The following TCP11L2 variants were observed in gnomAD, a reference collection of about 807,000 sequenced individuals.
TCP11L2 encodes the protein t-complex 11 like 2.
Under a neutral mutation model 50.7 loss-of-function variants are expected in TCP11L2, and 39 were observed. The observed-to-expected ratio is 0.77, with a 90% CI of 0.60 to 1.01. The LOEUF is 1.01. Among genes scored for constraint, TCP11L2 ranks in the 50% least tolerant of loss-of-function variants. TCP11L2 has a pLI of 0.00. For missense variants in TCP11L2, 612 were observed against 614.7 expected (o/e 1.00, Z 0.05); for synonymous variants, 192 against 219.3 (o/e 0.88, Z 1.10).
chr12:106,318,471 T>C lies in TCP11L2; in HGVS notation c.414+7T>C. 6.2e-7 allele frequency: 1 copy of C among 1,613,326 alleles called. No individual in the cohort carries two copies. The highest frequency in any genetic ancestry group is 8.5e-7 in the Non-Finnish European group (1 of 1,179,448). On this transcript the variant is annotated splice_region_variant and intron_variant, in intron 4 of 9. Coordinates refer to ENST00000299045, the MANE Select transcript of TCP11L2 (RefSeq NM_152772.3). ...GTTTGAAGAAATCAGAGAGGCAAGT[T>C]GCTTTGTTGTCTGTGTCAGTTAGCG... is the stretch of plus-strand genomic sequence containing the variant.
chr12:106,308,812 G>A (rs1404009533), intron 1 of TCP11L2, among the ~76,000 whole-genome samples: 1 of 152,186 alleles, frequency 6.6e-6, no homozygotes. Context: ...GGTTGCAAAT[G>A]TTCTGGTTGA....
intron 1 of TCP11L2, among the ~76,000 whole-genome samples, chr12:106,304,670 C>T (rs1565834263): frequency 6.6e-6 from 1 of 152,232 alleles, no homozygotes. Context: ...ATGGTACACA[C>T]TAGAAGTTTC....
At chr12:106,311,633 G>A (rs183127854) in intron 2 of TCP11L2, among the ~76,000 whole-genome samples, 21 of 152,246 alleles carry the variant, frequency 1.4e-4, no homozygotes, top group African/African-American at 4.6e-4. Flanking sequence ...AGGTCAGGAA[G>A]GAAGTGAAAT....
At chr12:106,337,605 T>C (rs908190280) in intron 8 of TCP11L2, among the ~76,000 whole-genome samples, 1 of 152,244 alleles carries the variant, frequency 6.6e-6, no homozygotes, top group African/African-American at 2.4e-5. Context: ...AAGTGGTTAC[T>C]AAGAAGACAG....
At chr12:106,298,916 C>T (rs1041052818), upstream of TCP11L2, among the ~76,000 whole-genome samples, 5 of 151,930 alleles carry the variant, frequency 3.3e-5, no homozygotes, top group African/African-American at 1.2e-4. Flanking sequence ...CTCCTGGGTT[C>T]AAGTGATTCT....
chr12:106,299,523 C>G (rs978532900), upstream of TCP11L2, among the ~76,000 whole-genome samples: 1 of 152,178 alleles, frequency 6.6e-6, no homozygotes, highest in Non-Finnish European at 1.5e-5. Context: ...CTCAACACAA[C>G]AGCAGCAATG....
At chr12:106,341,082 G>T (rs2036082160) in intron 9 of TCP11L2, 84 bp downstream of exon 9, 2 of 1,150,426 alleles carry the variant, frequency 1.7e-6, no homozygotes, top group Non-Finnish European at 2.5e-6. Context: ...GTCAAATTTT[G>T]ATCTTAAACA....
intron 2 of TCP11L2, chr12:106,312,257 A>ATT (rs55891003): frequency 1.3e-4 from 37 of 291,584 alleles, no homozygotes; most frequent in South Asian, 3.1e-4. Flanking sequence ...TTTAGTTTCC[A>ATT]TTTTTTTTTT....
At chr12:106,326,071 C>G (rs1241743016) in intron 6 of TCP11L2, among the ~76,000 whole-genome samples, 3 of 152,140 alleles carry the variant, frequency 2.0e-5, no homozygotes, top group Non-Finnish European at 4.4e-5. Flanking sequence ...GGTTGCACAG[C>G]TGCAAGAGGC....
At chr12:106,337,102 A>G (rs2035946497) in intron 8 of TCP11L2, among the ~76,000 whole-genome samples, 1 of 152,194 alleles carries the variant, frequency 6.6e-6, no homozygotes, top group East Asian at 1.9e-4. Flanking sequence ...GTGAATGGCC[A>G]GATGGTTCTA....
intron 3 of TCP11L2, among the ~76,000 whole-genome samples, chr12:106,317,819 A>G (rs998369804): frequency 3.9e-5 from 6 of 152,330 alleles, no homozygotes; most frequent in African/African-American, 1.4e-4. Flanking sequence ...AAGGTGGCCA[A>G]TTATTCTATT....
At chr12:106,323,154 C>A (rs1317114592) in intron 5 of TCP11L2, among the ~76,000 whole-genome samples, 1 of 152,212 alleles carries the variant, frequency 6.6e-6, no homozygotes, top group African/African-American at 2.4e-5. Context: ...CAGTGCCTCA[C>A]TGCCTTGTCC....
intron 1 of TCP11L2, among the ~76,000 whole-genome samples, chr12:106,306,838 G>A (rs1400776503): frequency 1.3e-5 from 2 of 152,166 alleles, no homozygotes; most frequent in African/African-American, 4.8e-5. Context: ...AAATAATCAA[G>A]AGGAGCCGGG....
chr12:106,314,188 T>G (rs1035701224), intron 2 of TCP11L2, among the ~76,000 whole-genome samples, 170 bp from the exon 3 acceptor site: 1 of 152,244 alleles, frequency 6.6e-6, no homozygotes, highest in Non-Finnish European at 1.5e-5. Flanking sequence ...CTTAAATTTT[T>G]GAAGCCTTTA....
At chr12:106,312,365 A>C in intron 2 of TCP11L2, 2 of 1,237,354 alleles carry the variant, frequency 1.6e-6, no homozygotes, top group Non-Finnish European at 2.1e-6. Context: ...ATTGGACCAA[A>C]GTATATAGAC....
At position 106,319,132 on chromosome 12, in the gene TCP11L2, C is replaced by T. The variant is rs1263174363; in HGVS notation, c.414+668C>T. On this transcript the variant is annotated intron_variant, in intron 4 of 9. Coordinates refer to ENST00000299045, the MANE Select transcript of TCP11L2 (RefSeq NM_152772.3). ...TTCACCTTGTTAGCCAGGATGGTCT[C>T]GATCTCCTGACCTCATGATTCGCCC... Among the ~76,000 whole-genome samples, 7 of 152,128 alleles carry T rather than the reference C, an allele frequency of 4.6e-5. No homozygotes were observed. The East Asian group carries it at 9.7e-4, about 21-fold the overall frequency.
chr12:106,302,340 C>G (rs2034441444), upstream of TCP11L2, among the ~76,000 whole-genome samples: 1 of 107,230 alleles, frequency 9.3e-6, no homozygotes, highest in African/African-American at 4.4e-5. Flanking sequence ...AGCCCCCGCT[C>G]AGCCCCCGCT....
intron 5 of TCP11L2, among the ~76,000 whole-genome samples, chr12:106,322,793 G>A (rs1405592349): frequency 6.6e-6 from 1 of 152,168 alleles, no homozygotes; most frequent in East Asian, 1.9e-4. Context: ...CTGTCAAATG[G>A]GTGTTAAGTA....
intron 6 of TCP11L2, chr12:106,324,048 G>A (rs1486979041): frequency 6.6e-6 from 1 of 152,204 alleles, no homozygotes; most frequent in Non-Finnish European, 1.5e-5. Flanking sequence ...CGAACAGAAT[G>A]GAATACAGTT....
Sources: gnomAD v4.1 joint callset for allele counts (sites outside exome capture counted in the v4.1 genomes callset) on GRCh38, gnomAD v4.1.1 for gene constraint, MANE v1.5 for transcripts, NCBI Gene and HGNC (gene_info 2026-07-23, HGNC 2026-07-21) for gene names.